SENP2: variants seen among roughly 807,000 people sequenced by gnomAD.
The protein encoded by SENP2 is SUMO specific peptidase 2.
In SENP2, 16 loss-of-function variants were observed where a neutral mutation model predicts 86.3. That is an observed-to-expected ratio of 0.19 (90% confidence interval 0.13 to 0.28). The LOEUF is 0.28. SENP2 is among the 10% of genes least tolerant of loss of function. SENP2 has a pLI of 1.00. For missense variants in SENP2, 552 were observed against 703.0 expected, an observed-to-expected ratio of 0.79 and a Z score of 2.43; for synonymous variants, 222 against 238.7, an observed-to-expected ratio of 0.93 and a Z score of 0.64.
At chr3:185,588,720 G>A (rs1420663240) in intron 1 of SENP2, among the ~76,000 whole-genome samples, 1 of 152,110 alleles carries the variant, frequency 6.6e-6, no homozygotes, top group Non-Finnish European at 1.5e-5. Context: ...TTGAGAACGT[G>A]GTGTAAAGTG....
chr3:185,615,345 AT>A (rs1711557365), intron 11 of SENP2, among the ~76,000 whole-genome samples: 1 of 152,060 alleles, frequency 6.6e-6, no homozygotes. Flanking sequence ...TTAGAAGAAA[AT>A]AATTTCTTTT....
At chr3:185,615,533 C>T (rs1233605562) in intron 11 of SENP2, among the ~76,000 whole-genome samples, 8 of 151,546 alleles carry the variant, frequency 5.3e-5, no homozygotes, top group Admixed American at 2.6e-4. Context: ...TAGTAGAGAC[C>T]GGGTTTCACC....
rs1712419994 is a variant in SENP2 at position 185,630,721 on chromosome 3, AC to A, written c.*879del. ...TCATCCCAGATCTGGTTGAGTATAA[AC>A]CTCAGAATTGTAGGGGCTGGCCTGA... On this transcript the variant is annotated 3_prime_UTR_variant, in exon 17 of 17. Transcript: ENST00000296257. The A allele has an allele frequency of 6.5e-6, 1 of 152,714 alleles. No individual in the cohort carries two copies. The highest frequency in any genetic ancestry group is 3.4e-3 in the Middle Eastern group (1 of 294). The allele number at this position is 152,714 out of a possible 1,614,324, so 9.5% of individuals were successfully genotyped here.
Position 185,630,992 on chromosome 3 carries a change from T to C in SENP2, c.*1148T>C, listed in dbSNP as rs577376409. On this transcript the variant is annotated 3_prime_UTR_variant, in exon 17 of 17. Transcript: ENST00000296257. ...TTGTTCATTAAAAACCTTACTGATA[T>C]GGTTATAACTTCAGACAGTTTAGAG... 9.2e-5 allele frequency: 14 copies of C among 152,288 alleles called. No individual in the cohort carries two copies. The highest frequency in any genetic ancestry group is 3.1e-4 in the African/African-American group (13 of 41,566). The allele number at this position is 152,288 out of a possible 1,614,324, so 9.4% of individuals were successfully genotyped here. A position where few individuals can be genotyped will look rare whatever the true frequency, so the allele number is the denominator to read the frequency against.
chr3:185,596,839 G>GTTTA (rs901070588), intron 2 of SENP2, among the ~76,000 whole-genome samples: 1 of 151,950 alleles, frequency 6.6e-6, no homozygotes, highest in Non-Finnish European at 1.5e-5. Context: ...TGTGGTAAAA[G>GTTTA]TTTATTTATT....
rs1001420888 is a variant in SENP2 at position 185,589,639 on chromosome 3, T to G, written c.102-475T>G. On this transcript the variant is annotated intron_variant, in intron 1 of 16. Coordinates refer to ENST00000296257, the MANE Select transcript of SENP2 (RefSeq NM_021627.3). The stretch of plus-strand genomic sequence containing the variant: ...CGCATGTGAAAAGCCTACTATAGAA[T>G]AGCATTCTCTCTTTTGTTTTGCTTT... Among the ~76,000 whole-genome samples the G allele has an allele frequency of 2.9e-4, 44 of 152,300 alleles. 1 individual carries two copies. Among genetic ancestry groups the G allele is most frequent in the African/African-American group, 1.0e-3 (42 of 41,576 alleles).
chr3:185,620,547 A>G (rs981567725), intron 13 of SENP2, among the ~76,000 whole-genome samples: 3 of 151,972 alleles, frequency 2.0e-5, no homozygotes, highest in Non-Finnish European at 4.4e-5. Flanking sequence ...GGTTCAAGCA[A>G]TTCTCCTGCA....
At chr3:185,588,050 A>ATTTT (rs1196425963) in intron 1 of SENP2, among the ~76,000 whole-genome samples, 693 of 64,758 alleles carry the variant, frequency 0.011, 41 homozygotes, top group African/African-American at 0.023. Flanking sequence ...CTACCGGCTA[A>ATTTT]TTTTTTTTTT....
At position 185,628,315 on chromosome 3, in the gene SENP2, T is replaced by G. The variant is rs761568935; in HGVS notation, c.1708-1467T>G. Among the ~76,000 whole-genome samples, 163 of 152,210 alleles carry G rather than the reference T, an allele frequency of 1.1e-3. 1 individual carries two copies. The highest frequency in any genetic ancestry group is 1.7e-3 in the Non-Finnish European group (115 of 68,008). ...CCATGCCTGGCTAATTTTTGTATTT[T>G]TAGTAGAGACAGGGTTTCACCATAT... On this transcript the variant is annotated intron_variant, in intron 16 of 16. Transcript: ENST00000296257.
chr3:185,629,734 A>G (rs1352815384), intron 16 of SENP2, 48 bp from the exon 17 acceptor site: 2 of 1,576,040 alleles, frequency 1.3e-6, no homozygotes, highest in Admixed American at 3.3e-5. Context: ...TTGTGCTGCC[A>G]TGCACATTAA....
At chr3:185,587,339 G>T (rs920215069) in intron 1 of SENP2, among the ~76,000 whole-genome samples, 3 of 151,872 alleles carry the variant, frequency 2.0e-5, no homozygotes, top group Non-Finnish European at 4.4e-5. Flanking sequence ...CACTATATTG[G>T]CTAGGCTGGC....
intron 6 of SENP2, chr3:185,609,004 A>G (rs1722602130): frequency 6.3e-6 from 2 of 319,854 alleles, no homozygotes; most frequent in Non-Finnish European, 1.1e-5. Flanking sequence ...AGCAGATAAC[A>G]TGAATAAAGT....
Position 185,630,060 on chromosome 3 carries a change from G to A in SENP2, c.*216G>A. 1.9e-6 allele frequency: 1 copy of A among 518,640 alleles called. No homozygotes were observed. The highest frequency in any genetic ancestry group is 2.7e-5 in the South Asian group (1 of 37,024). 32.1% of individuals were successfully genotyped at this position (518,640 alleles called of 1,614,324 possible). ...GTTTGTAAGGCTGTGCCTGCTCAGA[G>A]CTTTGGACTGTTCAACCCACACAAG... On this transcript the variant is annotated 3_prime_UTR_variant, in exon 17 of 17. Transcript: ENST00000296257.
intron 6 of SENP2, 60 bp downstream of exon 6, chr3:185,606,558 G>A: frequency 7.3e-7 from 1 of 1,376,548 alleles, no homozygotes; most frequent in Non-Finnish European, 9.8e-7. Flanking sequence ...CAAGGATGCT[G>A]CCTAGAGACA....
intron 10 of SENP2, among the ~76,000 whole-genome samples, chr3:185,614,177 G>A (rs1054319680): frequency 6.6e-5 from 10 of 152,182 alleles, no homozygotes; most frequent in African/African-American, 1.9e-4. Context: ...GAACCAAGTT[G>A]AGTTACTATA....
chr3:185,617,405 C>T (rs1408201755), intron 11 of SENP2, 75 bp from the exon 12 acceptor site: 2 of 1,341,068 alleles, frequency 1.5e-6, no homozygotes, highest in Non-Finnish European at 2.0e-6. Context: ...AAACTTTTTT[C>T]AGTCTCGGAG....
chr3:185,590,899 TC>T (rs1721966505), intron 2 of SENP2, among the ~76,000 whole-genome samples: 1 of 91,954 alleles, frequency 1.1e-5, no homozygotes, highest in Non-Finnish European at 2.1e-5. Flanking sequence ...AAAGAAAGTC[TC>T]CTTTTTTTTT....
intron 2 of SENP2, 48 bp from the exon 3 acceptor site, chr3:185,598,364 A>G (rs778654239): frequency 6.3e-7 from 1 of 1,576,748 alleles, no homozygotes; most frequent in South Asian, 1.1e-5. Flanking sequence ...TTTATTTTTT[A>G]GCTGGAAGTT....
rs1221363436 is a variant in SENP2, at chr3:185,630,427, T to G, written c.*583T>G. On this transcript the variant is annotated 3_prime_UTR_variant, in exon 17 of 17. Coordinates refer to ENST00000296257, the MANE Select transcript of SENP2 (RefSeq NM_021627.3). ...GGTTTGGGATTTTTTTTGTTTTTGT[T>G]TTTTTGAGGCTCAAAAAATGCTGGG... The G allele has an allele frequency of 6.5e-6, 1 of 153,220 alleles. No individual in the cohort carries two copies. Among genetic ancestry groups the G allele is most frequent in the Non-Finnish European group, 1.5e-5 (1 of 68,618 alleles). The allele number at this position is 153,220 out of a possible 1,614,324, so 9.5% of individuals were successfully genotyped here.
Sources: gnomAD v4.1 joint callset for allele counts (sites outside exome capture counted in the v4.1 genomes callset) on GRCh38, gnomAD v4.1.1 for gene constraint, MANE v1.5 for transcripts, NCBI Gene and HGNC (gene_info 2026-07-23, HGNC 2026-07-21) for gene names.